Variants in DNMT3A observed in about 807,000 individuals in gnomAD.
DNMT3A encodes the protein DNA (cytosine-5)-methyltransferase 3A.
In DNMT3A, 267 loss-of-function variants were observed where a neutral mutation model predicts 117.6. That is an observed-to-expected ratio of 2.27 (90% CI 2.05 to 2.51). The LOEUF is 2.51. Among genes scored for constraint, DNMT3A ranks in the 30% most tolerant of loss-of-function variants. DNMT3A has a pLI of 0.00. For synonymous variants in DNMT3A, 432 were observed against 474.8 expected (o/e 0.91, Z 1.17); for missense variants, 1,029 against 1,260.2 (o/e 0.82, Z 2.78).
rs1672759074 is a variant in DNMT3A, at chr2:25,228,453, A to G, written c.*5826T>C. On this transcript the variant is annotated 3_prime_UTR_variant, in exon 23 of 23. Transcript: ENST00000321117. ...TCTGTAACAGTAAAAGTTATTACCA[A>G]ATCAGCTACGGAGTTTATTCTTCAG... 1 of 151,920 alleles carries G rather than the reference A, an allele frequency of 6.6e-6. No individual in the cohort carries two copies. The highest frequency in any genetic ancestry group is 1.5e-5 in the Non-Finnish European group (1 of 67,996). The allele number at this position is 151,920 out of a possible 1,614,324, so 9.4% of individuals were successfully genotyped here.
chr2:25,274,123 C>T (rs893359134), intron 6 of DNMT3A, among the ~76,000 whole-genome samples: 1 of 152,240 alleles, frequency 6.6e-6, no homozygotes, highest in Non-Finnish European at 1.5e-5. Flanking sequence ...GTCCCAAACT[C>T]ATCCTCCCCT....
rs1199083523 is a variant in DNMT3A at position 25,305,795 on chromosome 2, G to T, written c.73-5552C>A. On this transcript the variant is annotated intron_variant, in intron 2 of 22. Coordinates refer to ENST00000321117, the MANE Select transcript of DNMT3A (RefSeq NM_022552.5). The surrounding 1 kb of genome is among the most constrained non-coding windows in gnomAD (Gnocchi z 4.1). ...CAGGCACAGACACTCTGGGCTGGCT[G>T]TGCCCAGACACAGGACCCCTCCCCA... is the stretch of plus-strand genomic sequence containing the variant. Among the ~76,000 whole-genome samples, 1 of 152,324 alleles carries T rather than the reference G, an allele frequency of 6.6e-6. No homozygotes were observed. The highest frequency in any genetic ancestry group is 2.1e-4 in the South Asian group (1 of 4,818).
At chr2:25,243,000 A>C (rs1674265701) in intron 16 of DNMT3A, among the ~76,000 whole-genome samples, 1 of 152,194 alleles carries the variant, frequency 6.6e-6, no homozygotes, top group Admixed American at 6.5e-5. Context: ...CTTACGCAAC[A>C]CTTACAAATA....
At chr2:25,262,279 C>T (rs999528553) in intron 6 of DNMT3A, among the ~76,000 whole-genome samples, 6 of 151,812 alleles carry the variant, frequency 4.0e-5, no homozygotes, top group Non-Finnish European at 8.8e-5. Flanking sequence ...CAAAAATCCA[C>T]CCCCTCCTAA....
At chr2:25,258,551 T>C (rs1676353421) in intron 6 of DNMT3A, among the ~76,000 whole-genome samples, 1 of 152,230 alleles carries the variant, frequency 6.6e-6, no homozygotes, top group South Asian at 2.1e-4. Context: ...TCTAGGCCTC[T>C]GTTACTCACA....
chr2:25,235,542 G>A (rs1449074745), intron 22 of DNMT3A, among the ~76,000 whole-genome samples, 165 bp downstream of exon 22: 2 of 152,098 alleles, frequency 1.3e-5, no homozygotes, highest in Non-Finnish European at 2.9e-5. Flanking sequence ...GGGGTGTCAG[G>A]AGTCCACCCC....
In DNMT3A at chr2:25,247,076, C is replaced by CGGTA; in HGVS notation, c.1093_1096dup (p.Arg366LeufsTer28). The CGGTA allele has an allele frequency of 6.2e-7, 1 of 1,614,008 alleles. No homozygotes were observed. The highest frequency in any genetic ancestry group is 8.5e-7 in the Non-Finnish European group (1 of 1,179,950). On this transcript the variant is annotated frameshift_variant, in exon 9 of 23. Transcript: ENST00000321117. LOFTEE classifies it high-confidence loss of function. This position sits in a 1 kb window ranked among gnomAD's most constrained non-coding sequence, Gnocchi z 5.6. ...CTGCAGGACCTCGTAGATGGCTTTG[C>CGGTA]GGTACATGGGCTGCTTGTTGTACGT... is the stretch of plus-strand genomic sequence containing the variant.
At position 25,247,639 on chromosome 2, in the gene DNMT3A, A is replaced by G; in HGVS notation, c.966T>C (p.Ala322=). 1 of 1,614,076 alleles carries G rather than the reference A, an allele frequency of 6.2e-7. No individual in the cohort carries two copies. The highest frequency in any genetic ancestry group is 1.1e-5 in the South Asian group (1 of 91,070). Residue 322 remains alanine, a synonymous_variant, in exon 8 of 23, where the codon GCT becomes GCC. Coordinates refer to ENST00000321117, the MANE Select transcript of DNMT3A (RefSeq NM_022552.5). The surrounding 1 kb of genome is among the most constrained non-coding windows in gnomAD (Gnocchi z 5.6). ...ACCACATGACCCAGCGGGTGCCTTC[A>G]GCTGCTCGGCTCCGGCCCGTCATCC... ...SWWMTGRSRA[A]EGTRWVMWFG... is the part of the protein sequence containing the mutation.
rs1459340579 is a variant in DNMT3A, at chr2:25,298,087, G to A, written c.177+2052C>T. On this transcript the variant is annotated intron_variant, in intron 3 of 22. Transcript: ENST00000321117. This position sits in a 1 kb window ranked among gnomAD's most constrained non-coding sequence, Gnocchi z 4.3. Reference sequence around the variant, plus strand: ...TGCTTGCACCATTTCGTTCTCACAGGGGCAAGGAGAAATGCATCCTTTTCT... The same window carrying A: ...TGCTTGCACCATTTCGTTCTCACAGAGGCAAGGAGAAATGCATCCTTTTCT... 1.3e-5 allele frequency among the ~76,000 whole-genome samples: 2 copies of A among 152,226 alleles called. No homozygotes were observed. Among genetic ancestry groups the A allele is most frequent in the African/African-American group, 2.4e-5 (1 of 41,466 alleles).
chr2:25,250,974 G>C (rs1443580301), intron 6 of DNMT3A, among the ~76,000 whole-genome samples: 1 of 152,132 alleles, frequency 6.6e-6, no homozygotes, highest in Non-Finnish European at 1.5e-5. Flanking sequence ...CCTTCACAGC[G>C]AGTTCCTGAA....
intron 6 of DNMT3A, chr2:25,251,911 C>A: frequency 2.1e-6 from 1 of 485,436 alleles, no homozygotes; most frequent in Non-Finnish European, 3.7e-6. Context: ...CCTGCAGTTA[C>A]CACTGCCCGG....
At chr2:25,340,311 G>A (rs749109330) in intron 1 of DNMT3A, among the ~76,000 whole-genome samples, 37 of 152,212 alleles carry the variant, frequency 2.4e-4, no homozygotes, top group Non-Finnish European at 4.3e-4. Flanking sequence ...GCCGTGCAGC[G>A]GAGAGAGGGT....
rs1236641944 is a variant in DNMT3A, at chr2:25,254,955, C to T, written c.640-6703G>A. 3.3e-5 allele frequency among the ~76,000 whole-genome samples: 5 copies of T among 152,144 alleles called. No individual in the cohort carries two copies. Among genetic ancestry groups the T allele is most frequent in the South Asian group, 2.1e-4 (1 of 4,824 alleles). ...ATATTAGGTAGCTGTTCCCTCCGGC[C>T]GTCAAACTTCCTTATTCTCATCCTT... On this transcript the variant is annotated intron_variant, in intron 6 of 22. Transcript: ENST00000321117. The surrounding 1 kb of genome is among the most constrained non-coding windows in gnomAD (Gnocchi z 4.7).
chr2:25,244,289 G>A lies in DNMT3A; in HGVS notation c.1717C>T (p.Gln573Ter), dbSNP rs902965419. 4 of 1,611,996 alleles carry A rather than the reference G, an allele frequency of 2.5e-6. No individual in the cohort carries two copies. The highest frequency in any genetic ancestry group is 2.5e-6 in the Non-Finnish European group (3 of 1,179,264). The part of the protein sequence containing the change: ...VDLLVGPGAA[Q>*]AAIKEDPWNC... ...CAGGGGTCTTCCTTAATGGCTGCCT[G>A]GGCAGCCCCCGGCCCCACCAAGAGG... The change falls in exon 15 of 23, where the codon CAG becomes TAG. Residue 573 changes from glutamine (Q) to a stop codon, truncating the protein, a stop_gained. Coordinates refer to ENST00000321117, the MANE Select transcript of DNMT3A (RefSeq NM_022552.5). LOFTEE classifies it high-confidence loss of function.
At chr2:25,273,061 G>A (rs1468155376) in intron 6 of DNMT3A, among the ~76,000 whole-genome samples, 1 of 141,672 alleles carries the variant, frequency 7.1e-6, no homozygotes, top group Non-Finnish European at 1.5e-5. Flanking sequence ...TGCAACCTCC[G>A]CCTCCCGGGT....
intron 6 of DNMT3A, among the ~76,000 whole-genome samples, chr2:25,264,508 C>T (rs11890065): frequency 0.27 from 41,209 of 150,426 alleles, 6,057 homozygotes; most frequent in East Asian, 0.4. Flanking sequence ...GGCTCTGTCG[C>T]CCAGGCTGGA....
chr2:25,290,430 C>T (rs1189254002), intron 3 of DNMT3A, among the ~76,000 whole-genome samples: 1 of 151,498 alleles, frequency 6.6e-6, no homozygotes, highest in Non-Finnish European at 1.5e-5. Flanking sequence ...AAGCGATTCT[C>T]CTGCCTCAGT....
chr2:25,287,200 G>T (rs2032372350), intron 3 of DNMT3A, among the ~76,000 whole-genome samples: 1 of 152,060 alleles, frequency 6.6e-6, no homozygotes, highest in South Asian at 2.1e-4. Flanking sequence ...TTATCTGGGA[G>T]AGGGCTGGGT....
chr2:25,296,915 CT>C lies in DNMT3A; in HGVS notation c.177+3223del, dbSNP rs2033124876. 6.6e-6 allele frequency among the ~76,000 whole-genome samples: 1 copy of C among 152,298 alleles called. No individual in the cohort carries two copies. The highest frequency in any genetic ancestry group is 2.4e-5 in the African/African-American group (1 of 41,568). On this transcript the variant is annotated intron_variant, in intron 3 of 22. Coordinates refer to ENST00000321117, the MANE Select transcript of DNMT3A (RefSeq NM_022552.5). The surrounding 1 kb of genome is among the most constrained non-coding windows in gnomAD (Gnocchi z 4.2). ...TCACAGCCTCCAGCCAGGGTTTCAT[CT>C]CTTACTTCCCAGTCCCCATCCCTGT... is the stretch of plus-strand genomic sequence containing the variant.
Sources: gnomAD v4.1 joint callset for allele counts (sites outside exome capture counted in the v4.1 genomes callset) on GRCh38, gnomAD v4.1.1 for gene constraint, Gnocchi (gnomAD v3.1) non-coding constraint, MANE v1.5 for transcripts, NCBI Gene and HGNC (gene_info 2026-07-23, HGNC 2026-07-21) for gene names.